The following PTPN1 variants were observed in gnomAD, a reference collection of about 807,000 sequenced individuals.
The protein encoded by PTPN1 is tyrosine-protein phosphatase non-receptor type 1.
In PTPN1, 12 loss-of-function variants were observed where a neutral mutation model predicts 59.9. The ratio of observed to expected loss-of-function variants is 0.20; its 90% CI spans 0.13 to 0.32. The LOEUF (loss-of-function observed/expected upper bound fraction) is 0.32. Ranked by LOEUF, PTPN1 falls within the 10% of genes least tolerant of loss-of-function variation. The probability of loss-of-function intolerance (pLI) is 1.00; values close to 1 mark genes in which losing one functional copy is unlikely to be tolerated. For synonymous variants in PTPN1, 178 were observed against 203.6 expected (o/e 0.87, Z 1.07); for missense variants, 356 against 549.2 (o/e 0.65, Z 3.52).
Position 50,579,746 on chromosome 20 carries a change from C to A in PTPN1, c.908C>A (p.Pro303His). 1 of 1,613,182 alleles carries A rather than the reference C, an allele frequency of 6.2e-7. No individual in the cohort carries two copies. Among genetic ancestry groups the A allele is most frequent in the Non-Finnish European group, 8.5e-7 (1 of 1,179,930 alleles). The stretch of plus-strand genomic sequence containing the variant: ...TCCCACGAGGACCTGGAGCCCCCAC[C>A]CGAGCATATCCCCCCACCTCCCCGG... The part of the protein sequence containing the change: ...ELSHEDLEPP[P>H]EHIPPPPRPP... The change falls in exon 8 of 10, where the codon CCC becomes CAC. Residue 303 changes from proline to histidine, a missense_variant. Pro to His is a moderately conservative substitution (Grantham distance 77). This residue lies in a region of PTPN1 where 100 missense variants were observed against 107.7 expected (regional missense o/e 0.93). Coordinates refer to ENST00000371621, the MANE Select transcript of PTPN1 (RefSeq NM_002827.4).
intron 4 of PTPN1, chr20:50,571,677 T>C (rs1230036306): frequency 6.6e-6 from 1 of 152,232 alleles, no homozygotes; most frequent in Non-Finnish European, 1.5e-5. Flanking sequence ...GGAAACCAGT[T>C]ATGCAGAAGA....
Position 50,569,606 on chromosome 20 carries a change from C to G in PTPN1, c.354+1128C>G, listed in dbSNP as rs1568793610. Among the ~76,000 whole-genome samples, 5 of 152,020 alleles carry G rather than the reference C, an allele frequency of 3.3e-5. No homozygotes were observed. In the South Asian group the frequency reaches 1.0e-3, roughly 32 times the overall value. ...TGTGTAGACTGTCCATGTAAACTGT[C>G]CTGTGTAGATTGTCTGTGTAGACTG... On this transcript the variant is annotated intron_variant, in intron 4 of 9. Transcript: ENST00000371621.
Position 50,578,535 on chromosome 20 carries a change from C to T in PTPN1, c.608C>T (p.Ser203Leu). The part of the protein sequence containing the change: ...NFLFKVRESG[S>L]LSPEHGPVVV... ...CTTTTCAAAGTCCGAGAGTCAGGGT[C>T]ACTCAGCCCGGAGCACGGGCCCGTT... Residue 203 changes from serine to leucine, a missense_variant, in exon 6 of 10, where the codon TCA becomes TTA. Physicochemically the swap from Ser to Leu is moderately radical, Grantham distance 145. This residue lies in a region of PTPN1 where 194 missense variants were observed against 344.2 expected (regional missense o/e 0.56). Coordinates refer to ENST00000371621, the MANE Select transcript of PTPN1 (RefSeq NM_002827.4). 1 of 1,614,214 alleles carries T rather than the reference C, an allele frequency of 6.2e-7. No individual in the cohort carries two copies. Among genetic ancestry groups the T allele is most frequent in the Middle Eastern group, 1.6e-4 (1 of 6,062 alleles).
At chr20:50,553,043 G>A (rs2082710204) in intron 1 of PTPN1, among the ~76,000 whole-genome samples, 1 of 151,938 alleles carries the variant, frequency 6.6e-6, no homozygotes, top group Non-Finnish European at 1.5e-5. Context: ...CATATATTTT[G>A]TCTCTCTGTC....
chr20:50,565,316 A>G (rs1290333046), intron 3 of PTPN1, among the ~76,000 whole-genome samples: 2 of 152,252 alleles, frequency 1.3e-5, no homozygotes. Flanking sequence ...CAACATTAAA[A>G]TGCCAGAGTT....
chr20:50,578,312 G>C (rs2082847129), intron 5 of PTPN1, 108 bp from the exon 6 acceptor site: 1 of 930,618 alleles, frequency 1.1e-6, no homozygotes, highest in Admixed American at 2.1e-5. Context: ...GAGAATGAAT[G>C]TTCCTCTTAG....
intron 1 of PTPN1, among the ~76,000 whole-genome samples, chr20:50,513,612 GT>G (rs1198883026): frequency 9.9e-5 from 15 of 152,180 alleles, no homozygotes; most frequent in African/African-American, 3.6e-4. Context: ...ATTTATTCAT[GT>G]TAGAGGCAGG....
chr20:50,518,071 C>T (rs2082536724), intron 1 of PTPN1, among the ~76,000 whole-genome samples: 1 of 152,156 alleles, frequency 6.6e-6, no homozygotes, highest in South Asian at 2.1e-4. Context: ...CTTCCCTTGT[C>T]TCTGTTAAGA....
intron 1 of PTPN1, among the ~76,000 whole-genome samples, chr20:50,539,026 CTTTTTTTTTTTTT>C (rs71190576): frequency 1.2e-5 from 1 of 85,294 alleles, no homozygotes; most frequent in Non-Finnish European, 2.3e-5. Flanking sequence ...CTTCTCAATT[CTTTTTTTTTTTTT>C]TTTTTTTTTT....
intron 1 of PTPN1, among the ~76,000 whole-genome samples, chr20:50,553,181 T>C (rs921038778): frequency 6.6e-6 from 1 of 152,158 alleles, no homozygotes; most frequent in East Asian, 1.9e-4. Flanking sequence ...GTTGAATAAA[T>C]GTTGACACTC....
chr20:50,549,470 C>G (rs2082692236), intron 1 of PTPN1, among the ~76,000 whole-genome samples: 1 of 152,178 alleles, frequency 6.6e-6, no homozygotes, highest in African/African-American at 2.4e-5. Context: ...CTTGTAGCTC[C>G]ATTATCTATT....
At chr20:50,561,260 C>T in intron 1 of PTPN1, 103 bp from the exon 2 acceptor site, 3 of 860,816 alleles carry the variant, frequency 3.5e-6, no homozygotes, top group South Asian at 1.7e-5. Context: ...TGAATTATCA[C>T]CTTGCATTTC....
At chr20:50,513,845 C>T (rs75513402) in intron 1 of PTPN1, among the ~76,000 whole-genome samples, 1,569 of 151,750 alleles carry the variant, frequency 0.01, 29 homozygotes, top group African/African-American at 0.035. Context: ...GGAAAAAAAA[C>T]TATTTTATGC....
chr20:50,549,920 T>A (rs1459015812), intron 1 of PTPN1, among the ~76,000 whole-genome samples: 1 of 152,180 alleles, frequency 6.6e-6, no homozygotes, highest in African/African-American at 2.4e-5. Context: ...TGGAAGACAT[T>A]GAACCTCTGA....
chr20:50,555,735 T>A (rs1189810400), intron 1 of PTPN1, among the ~76,000 whole-genome samples: 1 of 151,800 alleles, frequency 6.6e-6, no homozygotes, highest in Non-Finnish European at 1.5e-5. Flanking sequence ...TTTTTTTTTT[T>A]ATTTCTCTGT....
intron 1 of PTPN1, among the ~76,000 whole-genome samples, chr20:50,557,436 A>AT (rs1232336477): frequency 6.6e-6 from 1 of 152,068 alleles, no homozygotes; most frequent in African/African-American, 2.4e-5. Flanking sequence ...ATTCGAGACC[A>AT]TTATTAAGGT....
At chr20:50,537,884 T>C (rs2082631070) in intron 1 of PTPN1, among the ~76,000 whole-genome samples, 1 of 152,196 alleles carries the variant, frequency 6.6e-6, no homozygotes, top group South Asian at 2.1e-4. Context: ...GGCCTGACAG[T>C]AATGTACATG....
chr20:50,523,017 C>G (rs558015642), intron 1 of PTPN1, among the ~76,000 whole-genome samples: 1 of 151,810 alleles, frequency 6.6e-6, no homozygotes, highest in Non-Finnish European at 1.5e-5. Flanking sequence ...CCATCCACCT[C>G]GGCCTCCCAA....
Position 50,568,613 on chromosome 20 carries a change from A to T in PTPN1, c.354+135A>T. The stretch of plus-strand genomic sequence containing the variant: ...CGTAGTATTTTTATTTAAAAAAATT[A>T]AAACAGCAGCATATAAATGCATGTT... On this transcript the variant is annotated intron_variant, in intron 4 of 9. Coordinates refer to ENST00000371621, the MANE Select transcript of PTPN1 (RefSeq NM_002827.4). This position sits in a 1 kb window ranked among gnomAD's most constrained non-coding sequence, Gnocchi z 5.6. 5.7e-6 allele frequency: 4 copies of T among 703,964 alleles called. No homozygotes were observed. Among genetic ancestry groups the T allele is most frequent in the East Asian group, 2.9e-5 (1 of 34,934 alleles). The allele number at this position is 703,964 out of a possible 1,614,324, so 43.6% of individuals were successfully genotyped here. A position where few individuals can be genotyped will look rare whatever the true frequency, so the allele number is the denominator to read the frequency against.
Sources: allele counts gnomAD v4.1 joint callset (sites outside exome capture counted in the v4.1 genomes callset), GRCh38; gene constraint gnomAD v4.1.1; regional missense constraint gnomAD v4.1.1; non-coding constraint Gnocchi (gnomAD v3.1); transcripts MANE v1.5; gene names NCBI Gene and HGNC (gene_info 2026-07-23, HGNC 2026-07-21).